TRAPPC10: variants seen among roughly 807,000 people sequenced by gnomAD.
The protein encoded by TRAPPC10 is TRAPP 130 kDa subunit.
Under a neutral mutation model 125.5 loss-of-function variants are expected in TRAPPC10, and 23 were observed. That is an observed-to-expected ratio of 0.18 (90% CI 0.13 to 0.26). The LOEUF is 0.26. Among genes scored for constraint, TRAPPC10 ranks in the 10% least tolerant of loss-of-function variants. TRAPPC10 has a pLI of 1.00. For missense variants in TRAPPC10, 1,123 were observed against 1,308.4 expected (o/e 0.86, Z 2.19); for synonymous variants, 509 against 518.0 (o/e 0.98, Z 0.24).
intron 6 of TRAPPC10, among the ~76,000 whole-genome samples, chr21:44,061,350 A>T (rs1258833772): frequency 6.6e-6 from 1 of 152,096 alleles, no homozygotes; most frequent in Non-Finnish European, 1.5e-5. Context: ...CGTGTTAGCC[A>T]GGATGGTCTC....
intron 3 of TRAPPC10, among the ~76,000 whole-genome samples, chr21:44,047,775 A>C (rs894881319): frequency 3.9e-5 from 6 of 152,220 alleles, no homozygotes; most frequent in Admixed American, 1.3e-4. Context: ...TAAAAGTTCC[A>C]TATGGGTCTT....
At chr21:44,053,360 T>G (rs893639761) in intron 4 of TRAPPC10, among the ~76,000 whole-genome samples, 1 of 152,194 alleles carries the variant, frequency 6.6e-6, no homozygotes, top group Non-Finnish European at 1.5e-5. Flanking sequence ...TTTATACTTG[T>G]TTTTTTCACT....
At chr21:44,060,915 T>TACACAC (rs34848979) in intron 6 of TRAPPC10, among the ~76,000 whole-genome samples, 219 of 132,256 alleles carry the variant, frequency 1.7e-3, no homozygotes, top group South Asian at 9.3e-3. Flanking sequence ...CATACATACA[T>TACACAC]ACACACACAC....
At chr21:44,040,346 CTCTT>C (rs903357976) in intron 3 of TRAPPC10, among the ~76,000 whole-genome samples, 4 of 151,172 alleles carry the variant, frequency 2.6e-5, no homozygotes, top group African/African-American at 9.8e-5. Context: ...AATTCTCTCT[CTCTT>C]TTTTTTTTTA....
In TRAPPC10 at chr21:44,052,418, C is replaced by T. The variant is rs763927417; in HGVS notation, c.424C>T (p.Pro142Ser). The change falls in exon 4 of 23, where the codon CCC (proline) becomes TCC (serine). Residue 142 changes from proline to serine, a missense_variant. Around this residue, in one of 4 missense-constraint regions of TRAPPC10, gnomAD observed 177 missense variants for 228.9 expected, o/e 0.77. Transcript: ENST00000291574. ...AKKKNKTNIL[P>S]RTSIVDKIRN... The stretch of plus-strand genomic sequence containing the variant: ...GAAAAAAAACAAAACCAACATCCTT[C>T]CCCGAACCTCTATTGTGGACAAAAT... 7 of 1,613,410 alleles carry T rather than the reference C, an allele frequency of 4.3e-6. No homozygotes were observed. The African/African-American group carries it at 9.3e-5, about 22-fold the overall frequency.
intron 7 of TRAPPC10, among the ~76,000 whole-genome samples, chr21:44,069,502 C>T (rs1019945498): frequency 1.7e-4 from 26 of 152,142 alleles, no homozygotes; most frequent in Admixed American, 1.5e-3. Flanking sequence ...AGGCTTTCCT[C>T]GGGTATCAGT....
Position 44,080,095 on chromosome 21 carries a change from T to C in TRAPPC10, c.1691T>C (p.Leu564Pro). ...CGCAAGCACTTCTGCCAGGAGATAC[T>C]TGACTTTGCCAGCCAGCCGTCAGAC... ...EERKHFCQEI[L>P]DFASQPSDSP... Residue 564 changes from leucine to proline, a missense_variant, in exon 13 of 23, where the codon CTT (leucine) becomes CCT (proline). By Grantham distance (98) the Leu-to-Pro change is moderately conservative. Around this residue, in one of 4 missense-constraint regions of TRAPPC10, gnomAD observed 840 missense variants for 902.0 expected, o/e 0.93. Coordinates refer to ENST00000291574, the MANE Select transcript of TRAPPC10 (RefSeq NM_003274.5). The C allele has an allele frequency of 6.2e-7, 1 of 1,614,194 alleles. No individual in the cohort carries two copies. Among genetic ancestry groups the C allele is most frequent in the South Asian group, 1.1e-5 (1 of 91,082 alleles).
intron 12 of TRAPPC10, 104 bp from the exon 13 acceptor site, chr21:44,079,911 T>A: frequency 2.6e-6 from 3 of 1,149,774 alleles, no homozygotes; most frequent in Non-Finnish European, 3.7e-6. Flanking sequence ...AAAAAAGCCC[T>A]TTGGCTTTTG....
chr21:44,042,448 T>C (rs1307806602), intron 3 of TRAPPC10, among the ~76,000 whole-genome samples: 1 of 152,252 alleles, frequency 6.6e-6, no homozygotes, highest in Non-Finnish European at 1.5e-5. Context: ...AAATTTTGTT[T>C]AGAAATTTCT....
chr21:44,074,420 G>A lies in TRAPPC10; in HGVS notation c.1135G>A (p.Asp379Asn), dbSNP rs1338651362. Residue 379 changes from aspartate (D) to asparagine (N), a missense_variant, in exon 8 of 23, where the codon GAC (aspartate) becomes AAC (asparagine). Transcript: ENST00000291574. ...AGGCTGCTGTGACCGGGCACAGATC[G>A]ACTCAAACATTGCCCACACTGTGGG... is the stretch of plus-strand genomic sequence containing the variant. ...IEGCCDRAQIDSNIAHTVGLW... is the reference protein window; with the variant it reads ...IEGCCDRAQINSNIAHTVGLW... 4 of 1,614,070 alleles carry A rather than the reference G, an allele frequency of 2.5e-6. No homozygotes were observed. The highest frequency in any genetic ancestry group is 2.5e-6 in the Non-Finnish European group (3 of 1,180,044).
chr21:44,018,143 C>CTTT (rs60369997), intron 1 of TRAPPC10, among the ~76,000 whole-genome samples: 1 of 148,162 alleles, frequency 6.7e-6, no homozygotes. Flanking sequence ...GTCTGATTTT[C>CTTT]TTTTTTTTTT....
Position 44,013,410 on chromosome 21 carries a change from AC to A in TRAPPC10, c.67+851del, listed in dbSNP as rs148415813. The stretch of plus-strand genomic sequence containing the variant: ...TTGCAGAGAGGTGTTTCAGACTGTT[AC>A]GATTTTTGACCTTTGACAGTATTCT... On this transcript the variant is annotated intron_variant, in intron 1 of 22. Transcript: ENST00000291574. Among the ~76,000 whole-genome samples the A allele has an allele frequency of 9.1e-3, 1,384 of 152,306 alleles. 8 individuals are homozygous for A. The highest frequency in any genetic ancestry group is 0.017 in the Middle Eastern group (5 of 294).
In TRAPPC10 at chr21:44,085,084, G is replaced by T. The variant is rs1346102795; in HGVS notation, c.2380+821G>T. Among the ~76,000 whole-genome samples the T allele has an allele frequency of 2.6e-5, 4 of 152,218 alleles. No individual in the cohort carries two copies. The South Asian group carries it at 6.2e-4, about 24-fold the overall frequency. ...ACCACTGGCCACTGATGAGCAACTCGACCTTCAGCCCCTCTTTCCTCCCTG... is the reference window on the plus strand; with the variant it reads ...ACCACTGGCCACTGATGAGCAACTCTACCTTCAGCCCCTCTTTCCTCCCTG... On this transcript the variant is annotated intron_variant, in intron 15 of 22. Transcript: ENST00000291574.
At chr21:44,014,360 CTG>C (rs2031553256) in intron 1 of TRAPPC10, among the ~76,000 whole-genome samples, 1 of 150,898 alleles carries the variant, frequency 6.6e-6, no homozygotes, top group Non-Finnish European at 1.5e-5. Flanking sequence ...GGGTTTTTTC[CTG>C]TGTTTTGAGC....
rs1453230454 is a variant in TRAPPC10 at position 44,082,086 on chromosome 21, GT to G, written c.1724-699del. ...TATACGAATAAAATATTCCACAATCGTTTACTGTTTCTCATGATCTATGGCA... is the reference window on the plus strand; with the variant it reads ...TATACGAATAAAATATTCCACAATCGTTACTGTTTCTCATGATCTATGGCA... On this transcript the variant is annotated intron_variant, in intron 13 of 22. Transcript: ENST00000291574. This position sits in a 1 kb window ranked among gnomAD's most constrained non-coding sequence, Gnocchi z 4.4. Among the ~76,000 whole-genome samples, 5 of 152,250 alleles carry G rather than the reference GT, an allele frequency of 3.3e-5. No homozygotes were observed. The highest frequency in any genetic ancestry group is 9.6e-5 in the African/African-American group (4 of 41,536).
At chr21:44,090,381 C>T (rs749753972) in intron 18 of TRAPPC10, among the ~76,000 whole-genome samples, 3 of 152,208 alleles carry the variant, frequency 2.0e-5, no homozygotes, top group Non-Finnish European at 4.4e-5. Context: ...GCATTAGTGA[C>T]ATTTTGGGCT....
intron 1 of TRAPPC10, among the ~76,000 whole-genome samples, chr21:44,019,125 C>T (rs1314792189): frequency 2.6e-5 from 4 of 152,044 alleles, no homozygotes; most frequent in Admixed American, 6.5e-5. Context: ...GGCATGATCT[C>T]GGCTCACTGC....
At chr21:44,045,615 A>G (rs1161628171) in intron 3 of TRAPPC10, among the ~76,000 whole-genome samples, 1 of 151,208 alleles carries the variant, frequency 6.6e-6, no homozygotes, top group African/African-American at 2.4e-5. Flanking sequence ...GCAGTGGAGC[A>G]ATCTCGGCTC....
chr21:44,012,486 G>GGACGCCC lies in TRAPPC10; in HGVS notation c.-7_-1dup. 6.8e-7 allele frequency: 1 copy of GGACGCCC among 1,478,884 alleles called. No individual in the cohort carries two copies. The highest frequency in any genetic ancestry group is 9.0e-7 in the Non-Finnish European group (1 of 1,107,632). The allele number at this position is 1,478,884 out of a possible 1,614,324, so 91.6% of individuals were successfully genotyped here. A position where few individuals can be genotyped will look rare whatever the true frequency, so the allele number is the denominator to read the frequency against. ...CGCGGGGGGCCGGGCCGGTGACGCC[G>GGACGCCC]GACGCCCATGGACGCCTCTGAGGAG... is the stretch of plus-strand genomic sequence containing the variant. On this transcript the variant is annotated 5_prime_UTR_variant, in exon 1 of 23. Transcript: ENST00000291574.
Sources: gnomAD v4.1 joint callset for allele counts (sites outside exome capture counted in the v4.1 genomes callset) on GRCh38, gnomAD v4.1.1 for gene constraint, gnomAD v4.1.1 regional missense constraint, Gnocchi (gnomAD v3.1) non-coding constraint, MANE v1.5 for transcripts, NCBI Gene and HGNC (gene_info 2026-07-23, HGNC 2026-07-21) for gene names.